The following GSN variants were observed in gnomAD, a reference collection of about 807,000 sequenced individuals.
The protein encoded by GSN is actin-depolymerizing factor.
In GSN, 56 loss-of-function variants were observed where a neutral mutation model predicts 85.7. The ratio of observed to expected loss-of-function variants is 0.65; its 90% CI spans 0.53 to 0.82. GSN has a LOEUF of 0.82. Among genes scored for constraint, GSN ranks in the 40% least tolerant of loss-of-function variants. The pLI is 0.00. For synonymous variants in GSN, 373 were observed against 399.1 expected, an observed-to-expected ratio of 0.93 and a Z score of 0.78; for missense variants, 857 against 979.8, an observed-to-expected ratio of 0.87 and a Z score of 1.67.
intron 4 of GSN, among the ~76,000 whole-genome samples, chr9:121,225,524 T>C (rs537582815): frequency 7.2e-4 from 109 of 152,272 alleles, no homozygotes; most frequent in African/African-American, 2.5e-3. Flanking sequence ...CCAAAATCTG[T>C]CTGGAAAAAG....
chr9:121,304,941 G>A (rs900021197), intron 4 of GSN, among the ~76,000 whole-genome samples: 2 of 152,182 alleles, frequency 1.3e-5, no homozygotes, highest in Non-Finnish European at 2.9e-5. Context: ...GCCTCCAGGT[G>A]GGGTGATGTG....
intron 6 of GSN, among the ~76,000 whole-genome samples, chr9:121,260,951 T>C (rs1000680810): frequency 1.3e-5 from 2 of 152,236 alleles, no homozygotes; most frequent in Non-Finnish European, 1.5e-5. Context: ...ATCAGTTTTT[T>C]TGTTTGTTTG....
chr9:121,331,295 C>T (rs2063856591), intron 16 of GSN, 93 bp from the exon 17 acceptor site: 1 of 773,794 alleles, frequency 1.3e-6, no homozygotes, highest in African/African-American at 1.7e-5. Context: ...AGGGCTTTGT[C>T]TGGTCTGATA....
At chr9:121,224,970 C>T (rs2054246439) in intron 4 of GSN, among the ~76,000 whole-genome samples, 1 of 152,010 alleles carries the variant, frequency 6.6e-6, no homozygotes, top group Admixed American at 6.6e-5. Flanking sequence ...AGACGCATGC[C>T]ACTACGCTGG....
chr9:121,301,783 G>A (rs970777193), intron 2 of GSN, 180 bp from the exon 3 acceptor site: 24 of 864,092 alleles, frequency 2.8e-5, no homozygotes, highest in African/African-American at 2.5e-4. Flanking sequence ...TAAAACTCTT[G>A]CCCTGTTTGC....
chr9:121,289,378 TG>T (rs1192761297), intron 2 of GSN, among the ~76,000 whole-genome samples: 1 of 152,080 alleles, frequency 6.6e-6, no homozygotes, highest in African/African-American at 2.4e-5. Flanking sequence ...GCACCAGTGT[TG>T]GCTGGGGTGA....
At chr9:121,241,422 C>T (rs1263411859) in intron 5 of GSN, among the ~76,000 whole-genome samples, 1 of 152,160 alleles carries the variant, frequency 6.6e-6, no homozygotes, top group Admixed American at 6.5e-5. Flanking sequence ...CCGTGGATGT[C>T]ATATCCTCAG....
chr9:121,328,999 A>G lies in GSN; in HGVS notation c.1871A>G (p.Lys624Arg), dbSNP rs1589244342. The stretch of plus-strand genomic sequence containing the variant: ...CCTCGCCTCTTTGCCTGCTCCAACA[A>G]GATTGGACGTTTTGTGGTGAGCCCC... Reference protein sequence around the residue: ...HPPRLFACSNKIGRFVIEEVP... With the variant: ...HPPRLFACSNRIGRFVIEEVP... Residue 624 changes from lysine (K) to arginine (R), a missense_variant, in exon 15 of 18, where the codon AAG becomes AGG. Lys to Arg is a conservative substitution (Grantham distance 26). Transcript: ENST00000432226. 6.2e-7 allele frequency: 1 copy of G among 1,613,926 alleles called. No individual in the cohort carries two copies. The highest frequency in any genetic ancestry group is 8.5e-7 in the Non-Finnish European group (1 of 1,180,014).
Position 121,303,068 on chromosome 9 carries a change from G to A in GSN, c.351+3G>A, listed in dbSNP as rs766817635. 1.2e-5 allele frequency: 19 copies of A among 1,613,078 alleles called. No homozygotes were observed. The Admixed American group carries it at 2.0e-4, about 17-fold the overall frequency. ...TCAAGTCTGGCCTGAAGTACAAGGT[G>A]GGTTGGGCCCCACCTTGCTTGAGCG... On this transcript the variant is annotated splice_donor_region_variant and intron_variant, in intron 4 of 17. Transcript: ENST00000432226.
chr9:121,329,196 G>A lies in GSN; in HGVS notation c.1888-42G>A. On this transcript the variant is annotated intron_variant, in intron 15 of 17. Coordinates refer to ENST00000432226, the MANE Select transcript of GSN (RefSeq NM_198252.3). This position sits in a 1 kb window ranked among gnomAD's most constrained non-coding sequence, Gnocchi z 4.6. ...GGCAGATAAAGGAAGGCCACCCAGG[G>A]GAGGGAAGACATCTCACTGATGCTC... The A allele has an allele frequency of 6.6e-7, 1 of 1,515,720 alleles. No homozygotes were observed. The highest frequency in any genetic ancestry group is 9.2e-7 in the Non-Finnish European group (1 of 1,090,634). The allele number at this position is 1,515,720 out of a possible 1,614,324, so 93.9% of individuals were successfully genotyped here. A position where few individuals can be genotyped will look rare whatever the true frequency, so the allele number is the denominator to read the frequency against.
intron 2 of GSN, chr9:121,283,972 A>C (rs1197986529): frequency 1.8e-5 from 3 of 167,034 alleles, no homozygotes; most frequent in African/African-American, 7.3e-5. Flanking sequence ...TGAGCAGGGA[A>C]TGGAGGAGCC....
Position 121,288,461 on chromosome 9 carries a change from G to C in GSN, c.-10+6899G>C, listed in dbSNP as rs369800573. Reference sequence around the variant, plus strand: ...GACATAACACAGATGCCCAGGTACGGTTGGCACAGGCCTAGCAAACATTTT... The same window carrying C: ...GACATAACACAGATGCCCAGGTACGCTTGGCACAGGCCTAGCAAACATTTT... On this transcript the variant is annotated intron_variant, in intron 2 of 17. Coordinates refer to ENST00000432226, the MANE Select transcript of GSN (RefSeq NM_198252.3). 1.1e-4 allele frequency among the ~76,000 whole-genome samples: 16 copies of C among 152,324 alleles called. No homozygotes were observed. In the East Asian group the frequency reaches 2.7e-3, roughly 26 times the overall value.
intron 4 of GSN, among the ~76,000 whole-genome samples, chr9:121,224,271 A>G (rs937315225): frequency 2.6e-5 from 4 of 151,688 alleles, no homozygotes; most frequent in Non-Finnish European, 5.9e-5. Context: ...TAATTTTTTA[A>G]AAAATTTTTA....
At chr9:121,301,438 C>A (rs1426234105) in intron 2 of GSN, among the ~76,000 whole-genome samples, 1 of 152,088 alleles carries the variant, frequency 6.6e-6, no homozygotes, top group Non-Finnish European at 1.5e-5. Context: ...ACCAGCCTGA[C>A]CAACATGGCG....
rs2054223188 is a variant in GSN at position 121,224,002 on chromosome 9, C to T, written c.-527-7163C>T. 2.0e-5 allele frequency among the ~76,000 whole-genome samples: 3 copies of T among 151,610 alleles called. No individual in the cohort carries two copies. In the South Asian group the frequency reaches 6.2e-4, roughly 32 times the overall value. ...GTTTTTTAAGAGAATTTCCCTACAT[C>T]TTTGCCAATAATAAGTAATATCAAT... is the stretch of plus-strand genomic sequence containing the variant. On this transcript the variant is annotated intron_variant, in intron 4 of 24. Coordinates refer to the GSN transcript ENST00000373823.
intron 2 of GSN, 66 bp from the exon 3 acceptor site, chr9:121,301,897 C>T (rs1466796013): frequency 4.3e-6 from 7 of 1,611,270 alleles, no homozygotes; most frequent in Non-Finnish European, 5.9e-6. Flanking sequence ...ACCGCCCTCC[C>T]TCATGCCTGG....
At chr9:121,213,451 C>G (rs766800444) in intron 4 of GSN, among the ~76,000 whole-genome samples, 3 of 152,246 alleles carry the variant, frequency 2.0e-5, no homozygotes, top group Admixed American at 1.3e-4. Context: ...CAGCCTGTGG[C>G]TACTGCTCCC....
chr9:121,331,866 C>T (rs2063947915), intron 17 of GSN: 2 of 191,368 alleles, frequency 1.0e-5, no homozygotes, highest in Admixed American at 5.3e-5. Context: ...GCAGCCCGGG[C>T]AACATAGTGA....
At chr9:121,301,490 G>A (rs2059835466) in intron 2 of GSN, among the ~76,000 whole-genome samples, 1 of 152,116 alleles carries the variant, frequency 6.6e-6, no homozygotes, top group Admixed American at 6.5e-5. Flanking sequence ...GCCAGGCATA[G>A]TATCGCATGC....
Sources: allele counts gnomAD v4.1 joint callset (sites outside exome capture counted in the v4.1 genomes callset), GRCh38; gene constraint gnomAD v4.1.1; non-coding constraint Gnocchi (gnomAD v3.1); transcripts MANE v1.5; gene names NCBI Gene and HGNC (gene_info 2026-07-23, HGNC 2026-07-21).